Variants in RBFOX3 observed in about 807,000 individuals in gnomAD.
The protein encoded by RBFOX3 is RNA binding fox-1 homolog 3.
A neutral mutation model predicts 48.7 loss-of-function variants in RBFOX3; 17 were observed. The ratio of observed to expected loss-of-function variants is 0.35; its 90% CI spans 0.24 to 0.52. RBFOX3 has a LOEUF of 0.52. RBFOX3 is among the 20% of genes least tolerant of loss of function. The probability of loss-of-function intolerance (pLI) is 0.94; values close to 1 mark genes in which losing one functional copy is unlikely to be tolerated. For synonymous variants in RBFOX3, 212 were observed against 209.5 expected, an observed-to-expected ratio of 1.01 and a Z score of -0.10; for missense variants, 382 against 497.5, an observed-to-expected ratio of 0.77 and a Z score of 2.21.
chr17:79,467,192 G>A (rs2076429923), intron 2 of RBFOX3, among the ~76,000 whole-genome samples: 2 of 152,046 alleles, frequency 1.3e-5, no homozygotes, highest in Non-Finnish European at 2.9e-5. Context: ...TGCAGACGGG[G>A]GGTCCTAGGG....
At position 79,391,105 on chromosome 17, in the gene RBFOX3, C is replaced by T. The variant is rs72852431; in HGVS notation, c.-174-83281G>A. On this transcript the variant is annotated intron_variant, in intron 2 of 14. Transcript: ENST00000693108. The surrounding 1 kb of genome is among the most constrained non-coding windows in gnomAD (Gnocchi z 5.0). ...GGGTCTGGTGGCCTGTAACCCCTGC[C>T]AGCCAGGCTCCCTGATACCAGCCTC... Among the ~76,000 whole-genome samples the T allele has an allele frequency of 1.3e-5, 2 of 152,184 alleles. No individual in the cohort carries two copies. Among genetic ancestry groups the T allele is most frequent in the African/African-American group, 4.8e-5 (2 of 41,450 alleles).
chr17:79,318,679 C>A, intron 2 of RBFOX3, among the ~76,000 whole-genome samples: 1 of 151,476 alleles, frequency 6.6e-6, no homozygotes, highest in African/African-American at 2.4e-5. Flanking sequence ...ACGGCGAAAC[C>A]CTGTCTCTAC....
At position 79,090,494 on chromosome 17, in the gene RBFOX3, C is replaced by T; in HGVS notation, c.*389G>A. ...GGGCCTGCTCCGCCGCCGCTGGGCTCCACACTGTCTGTCTTGGGAGTTGGG... is the reference window on the plus strand; with the variant it reads ...GGGCCTGCTCCGCCGCCGCTGGGCTTCACACTGTCTGTCTTGGGAGTTGGG... On this transcript the variant is annotated 3_prime_UTR_variant, in exon 15 of 15. Coordinates refer to ENST00000693108, the MANE Select transcript of RBFOX3 (RefSeq NM_001350451.2). 4.4e-6 allele frequency: 1 copy of T among 229,236 alleles called. No individual in the cohort carries two copies. The highest frequency in any genetic ancestry group is 1.1e-4 in the South Asian group (1 of 9,178). The allele number at this position is 229,236 out of a possible 1,614,324, so 14.2% of individuals were successfully genotyped here.
intron 1 of RBFOX3, among the ~76,000 whole-genome samples, chr17:79,496,225 G>T (rs761952910): frequency 3.7e-4 from 56 of 152,134 alleles, no homozygotes; most frequent in Non-Finnish European, 6.3e-4. Context: ...CTAAAAGCCG[G>T]TGGGCCTGGA....
intron 4 of RBFOX3, among the ~76,000 whole-genome samples, chr17:79,157,321 C>T (rs941362428): frequency 2.0e-5 from 3 of 152,338 alleles, no homozygotes; most frequent in Non-Finnish European, 2.9e-5. Flanking sequence ...CAAGAGCCCA[C>T]AGTTGTCCAT....
chr17:79,612,280 T>G (rs2093975080), upstream of RBFOX3, among the ~76,000 whole-genome samples: 1 of 152,226 alleles, frequency 6.6e-6, no homozygotes, highest in South Asian at 2.1e-4. Flanking sequence ...CGTCCCCATG[T>G]CACTTTTGCT....
intron 14 of RBFOX3, chr17:79,092,146 T>A: frequency 1.0e-6 from 1 of 985,320 alleles, no homozygotes; most frequent in African/African-American, 1.7e-5. Flanking sequence ...GCTGGTCGGG[T>A]GGCTTTGGGG....
At chr17:79,269,557 C>T (rs1437803334) in intron 3 of RBFOX3, among the ~76,000 whole-genome samples, 3 of 152,008 alleles carry the variant, frequency 2.0e-5, no homozygotes, top group African/African-American at 7.3e-5. Context: ...GTCACCTGGC[C>T]CTCTGGATCC....
chr17:79,216,025 A>G (rs2058994419), intron 4 of RBFOX3, among the ~76,000 whole-genome samples: 1 of 152,240 alleles, frequency 6.6e-6, no homozygotes, highest in African/African-American at 2.4e-5. Context: ...GGGGTCACCC[A>G]GGGGTCCAGC....
chr17:79,236,832 T>A (rs2061693617), intron 3 of RBFOX3, among the ~76,000 whole-genome samples: 1 of 152,174 alleles, frequency 6.6e-6, no homozygotes, highest in South Asian at 2.1e-4. Context: ...TCTTAGTAGG[T>A]CATTGAGGAG....
rs138938019 is a variant in RBFOX3 at position 79,106,843 on chromosome 17, C to A, written c.223-55G>T. On this transcript the variant is annotated intron_variant, in intron 5 of 14. Transcript: ENST00000693108. ...TGCCTCTGTGTGCGGGGTTGCCCAT[C>A]CCCTCTGCTAAAGGGTCGGCAGAGT... 130 of 1,469,208 alleles carry A rather than the reference C, an allele frequency of 8.8e-5. No individual in the cohort carries two copies. The East Asian group carries it at 3.0e-3, about 34-fold the overall frequency. The allele number at this position is 1,469,208 out of a possible 1,614,324, so 91.0% of individuals were successfully genotyped here. A position where few individuals can be genotyped will look rare whatever the true frequency, so the allele number is the denominator to read the frequency against.
At chr17:79,133,689 A>G (rs1174891307) in intron 4 of RBFOX3, among the ~76,000 whole-genome samples, 1 of 152,232 alleles carries the variant, frequency 6.6e-6, no homozygotes, top group African/African-American at 2.4e-5. Context: ...GAGTACACGC[A>G]GCATCCGTGG....
chr17:79,399,505 CAG>C (rs2062504926), intron 2 of RBFOX3, among the ~76,000 whole-genome samples: 1 of 151,996 alleles, frequency 6.6e-6, no homozygotes, highest in Non-Finnish European at 1.5e-5. Context: ...CTTTTCAAGA[CAG>C]TGGTTCAGGG....
intron 2 of RBFOX3, among the ~76,000 whole-genome samples, chr17:79,320,054 T>A (rs60556424): frequency 0.22 from 32,651 of 151,526 alleles, 4,035 homozygotes; most frequent in East Asian, 0.35. Context: ...CTGTTGGTCT[T>A]GTCCAGGCTG....
intron 2 of RBFOX3, among the ~76,000 whole-genome samples, chr17:79,396,253 C>T (rs991731682): frequency 5.9e-5 from 9 of 152,156 alleles, no homozygotes; most frequent in Non-Finnish European, 1.2e-4. Context: ...TGGGCAGAGC[C>T]GGGGGAGAAG....
In RBFOX3 at chr17:79,106,284, G is replaced by A. The variant is rs564239828; in HGVS notation, c.360+367C>T. On this transcript the variant is annotated intron_variant, in intron 6 of 14. Coordinates refer to ENST00000693108, the MANE Select transcript of RBFOX3 (RefSeq NM_001350451.2). ...AGGAGCCAGAATGTGGGAACAGGGCGGTCATAACCAAACTGGCTGCGAGGT... is the reference window on the plus strand; with the variant it reads ...AGGAGCCAGAATGTGGGAACAGGGCAGTCATAACCAAACTGGCTGCGAGGT... 2.7e-4 allele frequency among the ~76,000 whole-genome samples: 41 copies of A among 152,280 alleles called. No individual in the cohort carries two copies. In the South Asian group the frequency reaches 6.4e-3, roughly 24 times the overall value.
At chr17:79,537,205 C>T (rs2088949796) in intron 1 of RBFOX3, among the ~76,000 whole-genome samples, 1 of 152,186 alleles carries the variant, frequency 6.6e-6, no homozygotes, top group Non-Finnish European at 1.5e-5. Flanking sequence ...TTTGCGCTCC[C>T]TCCAGATTCT....
intron 1 of RBFOX3, among the ~76,000 whole-genome samples, chr17:79,592,114 G>A (rs2093437055): frequency 6.6e-6 from 1 of 151,436 alleles, no homozygotes; most frequent in African/African-American, 2.4e-5. Context: ...TGTGTGTAGT[G>A]TGTGTGGAAT....
chr17:79,234,721 C>CTTTTTTTTTTTTTTT lies in RBFOX3; in HGVS notation c.-34+1030_-34+1044dup, dbSNP rs71161654. The CTTTTTTTTTTTTTTT allele has an allele frequency of 6.5e-5, 4 of 61,830 alleles. 1 individual carries two copies. The highest frequency in any genetic ancestry group is 2.4e-4 in the African/African-American group (3 of 12,590). 3.8% of individuals were successfully genotyped at this position (61,830 alleles called of 1,614,324 possible). A position where few individuals can be genotyped will look rare whatever the true frequency, so the allele number is the denominator to read the frequency against. ...TTGGGTTTATTGGGGGCATTAAGTG[C>CTTTTTTTTTTTTTTT]TTTTTTTTTTTTTTTTTTTTTTTTT... On this transcript the variant is annotated intron_variant, in intron 4 of 14. Transcript: ENST00000693108.
Sources: allele counts gnomAD v4.1 joint callset (sites outside exome capture counted in the v4.1 genomes callset), GRCh38; gene constraint gnomAD v4.1.1; non-coding constraint Gnocchi (gnomAD v3.1); transcripts MANE v1.5; gene names NCBI Gene and HGNC (gene_info 2026-07-23, HGNC 2026-07-21).